SLC9A9: variants seen among roughly 807,000 people sequenced by gnomAD.
SLC9A9 encodes solute carrier family 9 member A9, also known as sodium/hydrogen exchanger 9.
SLC9A9 carries 62 observed loss-of-function variants against 77.8 expected under a neutral mutation model. That is an observed-to-expected ratio of 0.80 (90% CI 0.65 to 0.98). The LOEUF is 0.98. Ranked by LOEUF, SLC9A9 falls within the 50% of genes least tolerant of loss-of-function variation. The pLI is 0.00. For missense variants in SLC9A9, 775 were observed against 774.9 expected, an observed-to-expected ratio of 1.00 and a Z score of 0.00; for synonymous variants, 320 against 283.5, an observed-to-expected ratio of 1.13 and a Z score of -1.29.
chr3:143,745,949 A>C (rs1935188311), intron 4 of SLC9A9, among the ~76,000 whole-genome samples: 1 of 152,246 alleles, frequency 6.6e-6, no homozygotes, highest in East Asian at 1.9e-4. Context: ...AGAAAGAGAC[A>C]GGTTAGAACA....
At position 143,438,243 on chromosome 3, in the gene SLC9A9, C is replaced by T. The variant is rs532873916; in HGVS notation, c.1469+28794G>A. Among the ~76,000 whole-genome samples, 10 of 152,310 alleles carry T rather than the reference C, an allele frequency of 6.6e-5. No individual in the cohort carries two copies. In the South Asian group the frequency reaches 2.1e-3, roughly 32 times the overall value. On this transcript the variant is annotated intron_variant, in intron 12 of 15. Coordinates refer to ENST00000316549, the MANE Select transcript of SLC9A9 (RefSeq NM_173653.4). ...TCACAGGTGGTAGTTGATTCTATTG[C>T]CTGTCATGTGTGTCAGGGCGGTTGG...
chr3:143,681,485 T>C (rs1466863092), intron 5 of SLC9A9, among the ~76,000 whole-genome samples: 1 of 152,228 alleles, frequency 6.6e-6, no homozygotes, highest in African/African-American at 2.4e-5. Flanking sequence ...ATTATTATTC[T>C]TTTGATGGAT....
intron 4 of SLC9A9, among the ~76,000 whole-genome samples, chr3:143,742,291 A>T (rs777934876): frequency 6.6e-6 from 1 of 152,178 alleles, no homozygotes; most frequent in African/African-American, 2.4e-5. Context: ...AGTTATCCTT[A>T]AAAAACTCTG....
intron 6 of SLC9A9, among the ~76,000 whole-genome samples, chr3:143,600,440 C>A (rs924332588): frequency 2.6e-5 from 4 of 152,148 alleles, no homozygotes; most frequent in Non-Finnish European, 5.9e-5. Context: ...GAAAGAAATT[C>A]CCCTGGATGG....
intron 5 of SLC9A9, among the ~76,000 whole-genome samples, chr3:143,686,412 C>A (rs573149542): frequency 9.2e-5 from 14 of 151,984 alleles, no homozygotes; most frequent in Non-Finnish European, 1.6e-4. Context: ...AAGGCACGGA[C>A]AGGGGATAGA....
chr3:143,400,618 C>T (rs1268060857), intron 12 of SLC9A9, among the ~76,000 whole-genome samples: 3 of 151,090 alleles, frequency 2.0e-5, no homozygotes, highest in Admixed American at 1.3e-4. Flanking sequence ...ACCAAAATCT[C>T]ACAAATCACC....
At chr3:143,344,909 T>A (rs956663108) in intron 14 of SLC9A9, among the ~76,000 whole-genome samples, 1 of 152,164 alleles carries the variant, frequency 6.6e-6, no homozygotes, top group African/African-American at 2.4e-5. Flanking sequence ...CAAATAATAA[T>A]AAACAATCGT....
intron 8 of SLC9A9, among the ~76,000 whole-genome samples, chr3:143,573,801 A>T (rs955733880): frequency 1.3e-5 from 2 of 152,146 alleles, no homozygotes; most frequent in Admixed American, 6.5e-5. Context: ...TTTGAAAATC[A>T]TCCATCACAC....
At chr3:143,320,197 A>G (rs1299199263) in intron 14 of SLC9A9, among the ~76,000 whole-genome samples, 1 of 152,198 alleles carries the variant, frequency 6.6e-6, no homozygotes, top group East Asian at 1.9e-4. Context: ...CCCTTCATCC[A>G]TCTTACTATC....
chr3:143,442,563 A>G (rs555702805), intron 12 of SLC9A9, among the ~76,000 whole-genome samples: 4 of 152,352 alleles, frequency 2.6e-5, no homozygotes, highest in Admixed American at 2.0e-4. Flanking sequence ...TCTACTAAAA[A>G]TATAAAAATT....
At chr3:143,639,987 T>C (rs959681536) in intron 6 of SLC9A9, among the ~76,000 whole-genome samples, 1 of 151,594 alleles carries the variant, frequency 6.6e-6, no homozygotes, top group Non-Finnish European at 1.5e-5. Flanking sequence ...GATATTCTGG[T>C]CCCTGGGTCA....
At chr3:143,711,569 TA>T (rs1161275488) in intron 4 of SLC9A9, among the ~76,000 whole-genome samples, 14 of 139,076 alleles carry the variant, frequency 1.0e-4, no homozygotes, top group South Asian at 7.1e-4. Context: ...CTGGCTAATT[TA>T]AAAAAAAAAT....
intron 9 of SLC9A9, among the ~76,000 whole-genome samples, chr3:143,542,535 C>A (rs559803357): frequency 2.0e-5 from 3 of 152,118 alleles, no homozygotes; most frequent in Middle Eastern, 3.4e-3. Flanking sequence ...AAAACCAAAT[C>A]AAAAACCCAC....
At chr3:143,588,788 T>C (rs1015409257) in intron 6 of SLC9A9, among the ~76,000 whole-genome samples, 1 of 152,208 alleles carries the variant, frequency 6.6e-6, no homozygotes. Context: ...TTTGTATTTC[T>C]CTTTAAAGCA....
intron 12 of SLC9A9, among the ~76,000 whole-genome samples, chr3:143,462,464 C>T (rs838615): frequency 0.71 from 107,460 of 152,054 alleles, 38,730 homozygotes; most frequent in African/African-American, 0.84. Context: ...AATTTTTTTA[C>T]TGATTTGGGG....
At chr3:143,470,752 T>A (rs1218666864) in intron 11 of SLC9A9, among the ~76,000 whole-genome samples, 1 of 152,172 alleles carries the variant, frequency 6.6e-6, no homozygotes, top group Non-Finnish European at 1.5e-5. Context: ...ATGCTGGATA[T>A]TAAGGGCAAG....
At position 143,389,431 on chromosome 3, in the gene SLC9A9, C is replaced by T. The variant is rs560385196; in HGVS notation, c.1470-7317G>A. Among the ~76,000 whole-genome samples the T allele has an allele frequency of 2.0e-4, 30 of 152,226 alleles. No individual in the cohort carries two copies. In the South Asian group the frequency reaches 5.8e-3, roughly 29 times the overall value. On this transcript the variant is annotated intron_variant, in intron 12 of 15. Coordinates refer to ENST00000316549, the MANE Select transcript of SLC9A9 (RefSeq NM_173653.4). ...AGGGCCATTGTGCAGGACAGGCTCACTGTGGGAAGAAGTGGAAAGTATTGA... is the reference window on the plus strand; with the variant it reads ...AGGGCCATTGTGCAGGACAGGCTCATTGTGGGAAGAAGTGGAAAGTATTGA...
At chr3:143,288,380 G>A (rs1024322459) in intron 14 of SLC9A9, among the ~76,000 whole-genome samples, 9 of 152,116 alleles carry the variant, frequency 5.9e-5, no homozygotes, top group East Asian at 1.9e-4. Flanking sequence ...TCGCATTTTC[G>A]GGTCCAAGAG....
chr3:143,627,902 T>C (rs2038359244), intron 6 of SLC9A9, among the ~76,000 whole-genome samples: 2 of 152,230 alleles, frequency 1.3e-5, no homozygotes, highest in Admixed American at 1.3e-4. Context: ...AACAAATAGT[T>C]GGAAGCTGGT....
Sources: allele counts gnomAD v4.1 joint callset (sites outside exome capture counted in the v4.1 genomes callset), GRCh38; gene constraint gnomAD v4.1.1; transcripts MANE v1.5; gene names NCBI Gene and HGNC (gene_info 2026-07-23, HGNC 2026-07-21).